PBX1: variants seen among roughly 807,000 people sequenced by gnomAD.
PBX1 encodes pre-B-cell leukemia transcription factor 1.
Under a neutral mutation model 53.4 loss-of-function variants are expected in PBX1, and 6 were observed. The observed-to-expected ratio is 0.11, with a 90% confidence interval of 0.06 to 0.22. PBX1 has a LOEUF of 0.22. Ranked by LOEUF, PBX1 falls within the 10% of genes least tolerant of loss-of-function variation. The probability of loss-of-function intolerance (pLI) is 1.00; values close to 1 mark genes in which losing one functional copy is unlikely to be tolerated. For missense variants in PBX1, 251 were observed against 551.4 expected, an observed-to-expected ratio of 0.46 and a Z score of 5.46; for synonymous variants, 204 against 212.3, an observed-to-expected ratio of 0.96 and a Z score of 0.34.
At chr1:164,879,507 T>G (rs1672595599) in intron 2 of PBX1, among the ~76,000 whole-genome samples, 1 of 152,118 alleles carries the variant, frequency 6.6e-6, no homozygotes, top group Non-Finnish European at 1.5e-5. Context: ...GGGTTTGACA[T>G]GTAACAGAAG....
chr1:164,747,352 T>C (rs1344949551), intron 2 of PBX1, among the ~76,000 whole-genome samples: 1 of 152,134 alleles, frequency 6.6e-6, no homozygotes. Flanking sequence ...CACACATATG[T>C]ATGTATGTAT....
intron 2 of PBX1, chr1:164,590,423 C>T (rs536045939): frequency 2.2e-6 from 1 of 455,964 alleles, no homozygotes; most frequent in South Asian, 1.5e-5. Context: ...CCGCCGCCCC[C>T]CTGTGCTTCA....
downstream of PBX1, among the ~76,000 whole-genome samples, chr1:164,855,479 T>G (rs2102436386): frequency 6.6e-6 from 1 of 152,290 alleles, no homozygotes; most frequent in South Asian, 2.1e-4. Context: ...TATCCCATTT[T>G]TTTTCTAGAA....
intron 2 of PBX1, among the ~76,000 whole-genome samples, chr1:164,752,449 A>G (rs1666285456): frequency 6.6e-6 from 1 of 152,056 alleles, no homozygotes; most frequent in Non-Finnish European, 1.5e-5. Flanking sequence ...CATAGGGGAG[A>G]ATGCAGAATG....
chr1:164,839,476 A>G (rs1030123653), intron 8 of PBX1, among the ~76,000 whole-genome samples: 1 of 152,216 alleles, frequency 6.6e-6, no homozygotes, highest in African/African-American at 2.4e-5. Flanking sequence ...ATGAAGGATC[A>G]GTAAGTCAGT....
At chr1:164,651,695 AC>A (rs1357558233) in intron 2 of PBX1, among the ~76,000 whole-genome samples, 1 of 152,184 alleles carries the variant, frequency 6.6e-6, no homozygotes, top group African/African-American at 2.4e-5. Context: ...AGAGGAGCCC[AC>A]AAATGGGTGA....
At chr1:164,709,922 G>A (rs1440794923) in intron 2 of PBX1, among the ~76,000 whole-genome samples, 1 of 152,200 alleles carries the variant, frequency 6.6e-6, no homozygotes, top group Non-Finnish European at 1.5e-5. Flanking sequence ...GCATGGAGAT[G>A]GGGTGGGTGG....
intron 2 of PBX1, chr1:164,674,864 C>CCCCCCCCCCCCCCCCCCA (rs1661345729): frequency 9.0e-6 from 1 of 110,500 alleles, no homozygotes; most frequent in Admixed American, 8.9e-5. Context: ...CCCCCCCCCA[C>CCCCCCCCCCCCCCCCCCA]CCACCACCAA....
chr1:164,657,542 G>C (rs1362526789), intron 2 of PBX1, among the ~76,000 whole-genome samples: 1 of 152,164 alleles, frequency 6.6e-6, no homozygotes, highest in Non-Finnish European at 1.5e-5. Flanking sequence ...TACCTGTTCT[G>C]AGAGGACAGA....
At chr1:164,675,158 A>G (rs1661362093) in intron 2 of PBX1, among the ~76,000 whole-genome samples, 1 of 152,138 alleles carries the variant, frequency 6.6e-6, no homozygotes, top group East Asian at 1.9e-4. Context: ...TCCTGGGTTG[A>G]CAGATGATGC....
rs376423737 is a variant in PBX1 at position 164,695,013 on chromosome 1, T to C, written c.266-97481T>C. 8.8e-4 allele frequency among the ~76,000 whole-genome samples: 134 copies of C among 152,266 alleles called. 1 individual carries two copies. Among genetic ancestry groups the C allele is most frequent in the African/African-American group, 3.2e-3 (133 of 41,568 alleles). The stretch of plus-strand genomic sequence containing the variant: ...TTGCTATACCCTTATTCAAAATTCT[T>C]TGATGGAGGTCCCATTGTCAAAAGC... On this transcript the variant is annotated intron_variant, in intron 2 of 8. Transcript: ENST00000420696.
chr1:164,788,946 T>C (rs886383466), intron 2 of PBX1, among the ~76,000 whole-genome samples: 1 of 152,148 alleles, frequency 6.6e-6, no homozygotes, highest in Non-Finnish European at 1.5e-5. Flanking sequence ...TCAAATTTCT[T>C]TTTAGGGAGT....
At chr1:164,809,281 A>G (rs1450119464) in intron 5 of PBX1, among the ~76,000 whole-genome samples, 3 of 152,132 alleles carry the variant, frequency 2.0e-5, no homozygotes, top group Non-Finnish European at 4.4e-5. Flanking sequence ...TGTTCCCGCA[A>G]CCTTCACTTC....
chr1:164,701,227 G>A (rs1043370821), intron 2 of PBX1, among the ~76,000 whole-genome samples: 2 of 152,264 alleles, frequency 1.3e-5, no homozygotes, highest in Non-Finnish European at 1.5e-5. Context: ...AGAGCTTCCA[G>A]GATAGTACTT....
At chr1:164,588,674 T>C (rs1655130976) in intron 2 of PBX1, among the ~76,000 whole-genome samples, 1 of 151,632 alleles carries the variant, frequency 6.6e-6, no homozygotes, top group South Asian at 2.1e-4. Context: ...TCCCTTTGGT[T>C]TAGGGGGAAA....
Position 164,846,806 on chromosome 1 carries a change from CCTTCT to C in PBX1, c.*141_*145del. 1 of 1,531,228 alleles carries C rather than the reference CCTTCT, an allele frequency of 6.5e-7. No individual in the cohort carries two copies. The allele number at this position is 1,531,228 out of a possible 1,614,324, so 94.9% of individuals were successfully genotyped here. ...CAATCAGCAAACACAATAAGAGTCT[CCTTCT>C]CTTCTCTTCTTTGGGATGCTATTTC... On this transcript the variant is annotated 3_prime_UTR_variant, in exon 9 of 9. Transcript: ENST00000420696.
intron 2 of PBX1, among the ~76,000 whole-genome samples, chr1:164,883,443 C>T (rs979312362): frequency 2.6e-5 from 4 of 152,130 alleles, no homozygotes; most frequent in Non-Finnish European, 5.9e-5. Flanking sequence ...AATATAAAGT[C>T]ATTGCAAAAT....
At position 164,700,732 on chromosome 1, in the gene PBX1, G is replaced by A. The variant is rs1376080236; in HGVS notation, c.266-91762G>A. 3.0e-6 allele frequency: 3 copies of A among 985,164 alleles called. No homozygotes were observed. In the African/African-American group the frequency reaches 5.2e-5, roughly 17 times the overall value. The allele number at this position is 985,164 out of a possible 1,614,324, so 61.0% of individuals were successfully genotyped here. Reference sequence around the variant, plus strand: ...ATGAGGTAGGTGAATTAAACTGAAGGTTTGCCAGTTTCAGTGAACAAGGTG... The same window carrying A: ...ATGAGGTAGGTGAATTAAACTGAAGATTTGCCAGTTTCAGTGAACAAGGTG... On this transcript the variant is annotated intron_variant, in intron 2 of 8. Coordinates refer to ENST00000420696, the MANE Select transcript of PBX1 (RefSeq NM_002585.4).
At chr1:164,697,519 A>G (rs1220941700) in intron 2 of PBX1, among the ~76,000 whole-genome samples, 2 of 152,214 alleles carry the variant, frequency 1.3e-5, no homozygotes, top group Non-Finnish European at 2.9e-5. Context: ...ACTAAATTAT[A>G]AACTTTTAAA....
Sources: allele counts gnomAD v4.1 joint callset (sites outside exome capture counted in the v4.1 genomes callset), GRCh38; gene constraint gnomAD v4.1.1; transcripts MANE v1.5; gene names NCBI Gene and HGNC (gene_info 2026-07-23, HGNC 2026-07-21).